The following TGFBR2 variants were observed in gnomAD, a reference collection of about 807,000 sequenced individuals.
TGFBR2 encodes the protein TGF-beta receptor type-2.
TGFBR2 carries 18 observed loss-of-function variants against 49.0 expected under a neutral mutation model. The ratio of observed to expected loss-of-function variants is 0.37; its 90% CI spans 0.25 to 0.54. The LOEUF (loss-of-function observed/expected upper bound fraction) is 0.54. Ranked by LOEUF, TGFBR2 falls within the 20% of genes least tolerant of loss-of-function variation. TGFBR2 has a pLI of 0.85. For missense variants in TGFBR2, 525 were observed against 722.6 expected (o/e 0.73, Z 3.13); for synonymous variants, 282 against 275.9 (o/e 1.02, Z -0.22).
At chr3:30,633,636 C>G (rs1379720230) in intron 1 of TGFBR2, among the ~76,000 whole-genome samples, 1 of 152,156 alleles carries the variant, frequency 6.6e-6, no homozygotes, top group Non-Finnish European at 1.5e-5. Flanking sequence ...CAGAGACTTT[C>G]TCAAGAGGAG....
chr3:30,651,957 G>A (rs925171198), intron 3 of TGFBR2, among the ~76,000 whole-genome samples: 37 of 152,242 alleles, frequency 2.4e-4, no homozygotes, highest in Admixed American at 1.6e-3. Flanking sequence ...CTATCTCTGC[G>A]GCCATGTGCA....
At chr3:30,667,626 A>G (rs1699267538) in intron 3 of TGFBR2, among the ~76,000 whole-genome samples, 1 of 152,138 alleles carries the variant, frequency 6.6e-6, no homozygotes, top group Non-Finnish European at 1.5e-5. Context: ...GCCACACATA[A>G]ACTTAAGGGG....
At chr3:30,643,174 C>G (rs1698674512) in intron 1 of TGFBR2, among the ~76,000 whole-genome samples, 1 of 152,204 alleles carries the variant, frequency 6.6e-6, no homozygotes, top group African/African-American at 2.4e-5. Flanking sequence ...TGAAAGTGTT[C>G]CTCTCTAGGC....
At chr3:30,645,730 C>G (rs976133117) in intron 2 of TGFBR2, among the ~76,000 whole-genome samples, 2 of 152,118 alleles carry the variant, frequency 1.3e-5, no homozygotes, top group African/African-American at 4.8e-5. Context: ...AGGTGATCCA[C>G]TCGCCTCTGC....
intron 1 of TGFBR2, among the ~76,000 whole-genome samples, 176 bp from the exon 2 acceptor site, chr3:30,644,571 T>G (rs1231164677): frequency 6.6e-6 from 1 of 152,152 alleles, no homozygotes; most frequent in Non-Finnish European, 1.5e-5. Flanking sequence ...ATGGATTTTA[T>G]TACAAATTGC....
At chr3:30,650,896 A>T (rs372095188) in intron 3 of TGFBR2, among the ~76,000 whole-genome samples, 21 of 152,270 alleles carry the variant, frequency 1.4e-4, no homozygotes, top group East Asian at 1.4e-3. Context: ...AAAGATTTGG[A>T]TGGGGTTGTT....
At chr3:30,688,651 G>A (rs957008639) in intron 6 of TGFBR2, 140 bp downstream of exon 6, 2 of 1,256,534 alleles carry the variant, frequency 1.6e-6, no homozygotes, top group Non-Finnish European at 2.2e-6. Context: ...TGTTTATAAA[G>A]CAAATTTCAA....
intron 1 of TGFBR2, among the ~76,000 whole-genome samples, chr3:30,616,788 A>G (rs962662502): frequency 2.0e-5 from 3 of 152,196 alleles, no homozygotes; most frequent in African/African-American, 7.2e-5. Flanking sequence ...TATTAAAAAA[A>G]GAGAAGAAAA....
chr3:30,672,041 T>C lies in TGFBR2; in HGVS notation c.858T>C (p.Ser286=), dbSNP rs2125434725. ...VKIFPYEEYA[S]WKTEKDIFSD... is the part of the protein sequence containing the mutation. ...TCTTTCCCTATGAGGAGTATGCCTC[T>C]TGGAAGACAGAGAAGGACATCTTCT... is the stretch of plus-strand genomic sequence containing the variant. The change falls in exon 4 of 7, where the codon TCT becomes TCC. Residue 286 remains serine (S), a synonymous_variant. Coordinates refer to ENST00000295754, the MANE Select transcript of TGFBR2 (RefSeq NM_003242.6). This position sits in a 1 kb window ranked among gnomAD's most constrained non-coding sequence, Gnocchi z 4.5. 1.9e-6 allele frequency: 3 copies of C among 1,614,194 alleles called. No individual in the cohort carries two copies. The highest frequency in any genetic ancestry group is 2.5e-6 in the Non-Finnish European group (3 of 1,180,030).
At chr3:30,652,765 A>C (rs574997583) in intron 3 of TGFBR2, among the ~76,000 whole-genome samples, 2 of 152,344 alleles carry the variant, frequency 1.3e-5, no homozygotes. Flanking sequence ...GCTTGTCTAC[A>C]GTAGACAAGT....
In TGFBR2 at chr3:30,672,021, C is replaced by A; in HGVS notation, c.838C>A (p.Pro280Thr). 1 of 1,614,182 alleles carries A rather than the reference C, an allele frequency of 6.2e-7. No homozygotes were observed. Among genetic ancestry groups the A allele is most frequent in the Non-Finnish European group, 8.5e-7 (1 of 1,180,030 alleles). ...QFETVAVKIFPYEEYASWKTE... is the reference protein window; with the variant it reads ...QFETVAVKIFTYEEYASWKTE... ...TGAGACAGTGGCAGTCAAGATCTTT[C>A]CCTATGAGGAGTATGCCTCTTGGAA... Residue 280 changes from proline to threonine, a missense_variant, in exon 4 of 7, where the codon CCC becomes ACC. Coordinates refer to ENST00000295754, the MANE Select transcript of TGFBR2 (RefSeq NM_003242.6). The surrounding 1 kb of genome is among the most constrained non-coding windows in gnomAD (Gnocchi z 4.5).
At chr3:30,631,783 G>A (rs2125392448) in intron 1 of TGFBR2, among the ~76,000 whole-genome samples, 1 of 152,064 alleles carries the variant, frequency 6.6e-6, no homozygotes, top group South Asian at 2.1e-4. Flanking sequence ...AGTTCATCAT[G>A]TCCAACCCAT....
At chr3:30,660,319 C>T (rs1329473071) in intron 3 of TGFBR2, among the ~76,000 whole-genome samples, 2 of 152,142 alleles carry the variant, frequency 1.3e-5, no homozygotes, top group Non-Finnish European at 2.9e-5. Context: ...TATGCTTAGG[C>T]TTGGCTGCAC....
At chr3:30,687,294 C>G (rs1473408073) in intron 5 of TGFBR2, among the ~76,000 whole-genome samples, 1 of 152,172 alleles carries the variant, frequency 6.6e-6, no homozygotes, top group Non-Finnish European at 1.5e-5. Flanking sequence ...GTTAATCTGT[C>G]CCCTCTGTCT....
intron 3 of TGFBR2, among the ~76,000 whole-genome samples, chr3:30,652,118 C>T (rs1172356928): frequency 6.6e-6 from 1 of 152,138 alleles, no homozygotes; most frequent in African/African-American, 2.4e-5. Context: ...TCTCAGTGAA[C>T]TGAAGGCAGG....
intron 3 of TGFBR2, among the ~76,000 whole-genome samples, chr3:30,652,453 C>T (rs924561099): frequency 1.3e-5 from 2 of 151,960 alleles, no homozygotes; most frequent in South Asian, 2.1e-4. Flanking sequence ...AGTCTGGTCT[C>T]GAACTCCTGA....
intron 1 of TGFBR2, among the ~76,000 whole-genome samples, chr3:30,613,890 C>G (rs1698079835): frequency 6.6e-6 from 1 of 152,144 alleles, no homozygotes; most frequent in Admixed American, 6.5e-5. Flanking sequence ...TGGGCCTTCC[C>G]ATGTTGGGGG....
intron 1 of TGFBR2, among the ~76,000 whole-genome samples, chr3:30,632,571 A>G (rs2125393256): frequency 6.6e-6 from 1 of 152,336 alleles, no homozygotes; most frequent in Non-Finnish European, 1.5e-5. Context: ...TTTAGAAGTC[A>G]TCAAACTGCT....
At chr3:30,637,731 C>T (rs1429040153) in intron 1 of TGFBR2, among the ~76,000 whole-genome samples, 1 of 152,078 alleles carries the variant, frequency 6.6e-6, no homozygotes, top group Non-Finnish European at 1.5e-5. Flanking sequence ...CGTTGTGTTC[C>T]TTGTTTGGAT....
Sources: allele counts gnomAD v4.1 joint callset (sites outside exome capture counted in the v4.1 genomes callset), GRCh38; gene constraint gnomAD v4.1.1; non-coding constraint Gnocchi (gnomAD v3.1); transcripts MANE v1.5; gene names NCBI Gene and HGNC (gene_info 2026-07-23, HGNC 2026-07-21).